CSTF2: variants seen among roughly 807,000 people sequenced by gnomAD.
CSTF2 encodes CF-1 64 kDa subunit.
A neutral mutation model predicts 45.4 loss-of-function variants in CSTF2; 8 were observed. The observed-to-expected ratio is 0.18, with a 90% confidence interval of 0.10 to 0.32. The LOEUF is 0.32. Among genes scored for constraint, CSTF2 ranks in the 10% least tolerant of loss-of-function variants. CSTF2 has a pLI of 1.00. For missense variants in CSTF2, 253 were observed against 477.1 expected, an observed-to-expected ratio of 0.53 and a Z score of 4.38; for synonymous variants, 155 against 158.9, an observed-to-expected ratio of 0.98 and a Z score of 0.18.
intron 12 of CSTF2, 79 bp downstream of exon 12, chrX:100,837,528 G>A (rs1209149133): frequency 8.0e-6 from 5 of 625,150 alleles, no homozygotes; most frequent in East Asian, 3.6e-5. Flanking sequence ...ACCATGTGAC[G>A]ATCCTGGGTC....
At chrX:100,823,529 C>A in intron 4 of CSTF2, 101 bp downstream of exon 4, 2 of 936,193 alleles carry the variant, frequency 2.1e-6, no homozygotes, top group Non-Finnish European at 3.0e-6. Flanking sequence ...TGTCTGTAGA[C>A]CACCATTTCT....
At chrX:100,834,157 G>A (rs1271355364) in intron 11 of CSTF2, among the ~76,000 whole-genome samples, 1 of 111,467 alleles carries the variant, frequency 9.0e-6, no homozygotes, top group Admixed American at 9.6e-5. Flanking sequence ...TGGTATGTGT[G>A]TTTCTTCCGT....
intron 11 of CSTF2, 121 bp from the exon 12 acceptor site, chrX:100,837,218 A>C (rs760630348): frequency 7.5e-5 from 31 of 415,351 alleles, no homozygotes; most frequent in Middle Eastern, 5.5e-4. Context: ...CTTCAGAGTC[A>C]TTGATTTGCT....
chrX:100,838,785 G>A (rs1375772241), intron 13 of CSTF2, among the ~76,000 whole-genome samples: 1 of 111,740 alleles, frequency 8.9e-6, no homozygotes, highest in Non-Finnish European at 1.9e-5. Flanking sequence ...TCAATAAAAT[G>A]TGTAAATATT....
intron 10 of CSTF2, 66 bp downstream of exon 10, chrX:100,832,975 A>G (rs1410452989): frequency 9.3e-7 from 1 of 1,080,966 alleles, no homozygotes; most frequent in African/African-American, 1.9e-5. Context: ...ATCTGGGATA[A>G]AGAATGCTGG....
intron 4 of CSTF2, 96 bp downstream of exon 4, chrX:100,823,524 G>A: frequency 1.0e-6 from 1 of 967,681 alleles, no homozygotes; most frequent in Non-Finnish European, 1.4e-6. Context: ...GAAATTGTCT[G>A]TAGACCACCA....
intron 8 of CSTF2, chrX:100,830,945 A>G: frequency 1.2e-6 from 1 of 861,274 alleles, no homozygotes; most frequent in South Asian, 2.2e-5. Flanking sequence ...GCTGCGTGGC[A>G]GTCATCCTCG....
At chrX:100,830,538 G>A (rs1602369572) in intron 8 of CSTF2, among the ~76,000 whole-genome samples, 2 of 111,401 alleles carry the variant, frequency 1.8e-5, no homozygotes, top group East Asian at 5.6e-4. Context: ...GGTGAAAATC[G>A]AAAATGTCAG....
intron 1 of CSTF2, among the ~76,000 whole-genome samples, chrX:100,821,164 G>C (rs1479977092): frequency 1.8e-5 from 2 of 112,541 alleles, no homozygotes; most frequent in Non-Finnish European, 3.8e-5. Flanking sequence ...TGTTGTATGT[G>C]TGGAAATACA....
chrX:100,831,679 A>G, intron 9 of CSTF2, 23 bp downstream of exon 9: 1 of 1,202,714 alleles, frequency 8.3e-7, no homozygotes, highest in Non-Finnish European at 1.1e-6. Context: ...ATAGAAGGAA[A>G]CAGTTGAAGA....
chrX:100,834,155 G>T (rs749620753), intron 11 of CSTF2, among the ~76,000 whole-genome samples: 12 of 111,527 alleles, frequency 1.1e-4, no homozygotes, highest in African/African-American at 3.9e-4. Flanking sequence ...GGTGGTATGT[G>T]TGTTTCTTCC....
At chrX:100,829,795 A>G in intron 8 of CSTF2, among the ~76,000 whole-genome samples, 1 of 112,240 alleles carries the variant, frequency 8.9e-6, no homozygotes, top group South Asian at 3.7e-4. Context: ...GGTTTCAGTC[A>G]TACTTCTGCC....
chrX:100,835,670 A>G (rs938335775), intron 11 of CSTF2, among the ~76,000 whole-genome samples: 4 of 110,371 alleles, frequency 3.6e-5, no homozygotes, highest in Admixed American at 1.9e-4. Flanking sequence ...TAGGGTGATT[A>G]TATAATTTAT....
At chrX:100,836,229 TA>T (rs974752526) in intron 11 of CSTF2, among the ~76,000 whole-genome samples, 1 of 112,672 alleles carries the variant, frequency 8.9e-6, no homozygotes, top group African/African-American at 3.2e-5. Flanking sequence ...TAAAAAATTA[TA>T]AAAAGTATTT....
intron 8 of CSTF2, among the ~76,000 whole-genome samples, chrX:100,831,052 C>T (rs2084972734): frequency 9.0e-6 from 1 of 111,209 alleles, no homozygotes; most frequent in African/African-American, 3.3e-5. Flanking sequence ...TCACACAGGG[C>T]AGAGAACATG....
Position 100,827,045 on chromosome X carries a change from G to A in CSTF2, c.826+288G>A, listed in dbSNP as rs376974169. 3.6e-4 allele frequency among the ~76,000 whole-genome samples: 40 copies of A among 111,365 alleles called. No homozygotes were observed. The East Asian group carries it at 6.7e-3, about 19-fold the overall frequency. On this transcript the variant is annotated intron_variant, in intron 7 of 13. Transcript: ENST00000372972. ...ACAAAATCAAGCCAGCAAAAATAGA[G>A]AAGAGGAAAAAAGTAAGAGACAGTG...
At chrX:100,829,552 A>C (rs1349975573) in intron 8 of CSTF2, among the ~76,000 whole-genome samples, 1 of 111,432 alleles carries the variant, frequency 9.0e-6, no homozygotes. Flanking sequence ...ATACATAAAC[A>C]TTAATATACA....
rs892947054 is a variant in CSTF2 at position 100,831,799 on chromosome X, G to C, written c.1031+143G>C. The C allele has an allele frequency of 5.2e-6, 3 of 571,742 alleles. No homozygotes were observed. In the African/African-American group the frequency reaches 6.9e-5, roughly 13 times the overall value. The allele number at this position is 571,742 out of a possible 1,213,427, so 47.1% of individuals were successfully genotyped here. On this transcript the variant is annotated intron_variant, in intron 9 of 13. Transcript: ENST00000372972. ...ATTCATGGCCACTGTCCAAGGGTAAGCACTTCTCCTAAGGCAGAACTATGT... is the reference window on the plus strand; with the variant it reads ...ATTCATGGCCACTGTCCAAGGGTAACCACTTCTCCTAAGGCAGAACTATGT...
intron 8 of CSTF2, among the ~76,000 whole-genome samples, chrX:100,828,931 G>A (rs899773258): frequency 8.9e-6 from 1 of 112,022 alleles, no homozygotes; most frequent in Admixed American, 9.4e-5. Flanking sequence ...ATTAATGTAT[G>A]AGTAATGTGG....
Sources: gnomAD v4.1 joint callset for allele counts (sites outside exome capture counted in the v4.1 genomes callset) on GRCh38, gnomAD v4.1.1 for gene constraint, MANE v1.5 for transcripts, NCBI Gene and HGNC (gene_info 2026-07-23, HGNC 2026-07-21) for gene names.